Variants in TNRC6C observed in about 807,000 individuals in gnomAD.
TNRC6C encodes the protein trinucleotide repeat containing adaptor 6C.
A neutral mutation model predicts 153.7 loss-of-function variants in TNRC6C; 20 were observed. The observed-to-expected ratio is 0.13, with a 90% CI of 0.09 to 0.19. The LOEUF is 0.19. TNRC6C is among the 10% of genes least tolerant of loss of function. TNRC6C has a pLI of 1.00. For synonymous variants in TNRC6C, 811 were observed against 841.4 expected (o/e 0.96, Z 0.63); for missense variants, 1,987 against 2,172.0 (o/e 0.91, Z 1.69).
At chr17:78,024,644 C>G (rs1015495172) in intron 1 of TNRC6C, among the ~76,000 whole-genome samples, 1 of 151,962 alleles carries the variant, frequency 6.6e-6, no homozygotes, top group Admixed American at 6.6e-5. Flanking sequence ...GGATTACAGG[C>G]GTGAGCCACC....
At chr17:78,097,995 A>G (rs2073519306) in intron 16 of TNRC6C, 134 bp downstream of exon 19, 1 of 806,832 alleles carries the variant, frequency 1.2e-6, no homozygotes, top group Non-Finnish European at 1.9e-6. Flanking sequence ...GTGATGAAGG[A>G]TGGGTGGGGG....
chr17:78,004,009 C>CAGTG (rs2071455349), upstream of TNRC6C: 1 of 666,052 alleles, frequency 1.5e-6, no homozygotes, highest in African/African-American at 2.0e-5. Context: ...GGGCAACCTG[C>CAGTG]AGTGCTGTTA....
At chr17:78,076,502 A>C (rs1053291334) in intron 8 of TNRC6C, among the ~76,000 whole-genome samples, 1 of 152,158 alleles carries the variant, frequency 6.6e-6, no homozygotes, top group Non-Finnish European at 1.5e-5. Flanking sequence ...ATGTGAAATC[A>C]TACTGTTTAA....
At chr17:78,050,183 C>A (rs1232674850) in exon 3 of TNRC6C, 5 of 1,556,142 alleles carry the variant, frequency 3.2e-6, no homozygotes, top group Non-Finnish European at 4.3e-6. Flanking sequence ...CAGAACCCTA[C>A]CGTACAGCCT....
In TNRC6C at chr17:77,992,618, A is replaced by G. The variant is rs141885978; in HGVS notation, c.-37-11552A>G. ...TGCAAATTCCTTGAGTTTTCCCGTC[A>G]TGCTTTTTGGCTGTCAAGAGGCTGC... On this transcript the variant is annotated intron_variant, in intron 1 of 22. Coordinates refer to the TNRC6C transcript ENST00000636222. Among the ~76,000 whole-genome samples, 1,318 of 152,234 alleles carry G rather than the reference A, an allele frequency of 8.7e-3. 13 individuals are homozygous for G. The highest frequency in any genetic ancestry group is 0.038 in the South Asian group (184 of 4,830).
chr17:78,102,335 C>G, intron 17 of TNRC6C, 139 bp from the exon 21 acceptor site: 1 of 729,798 alleles, frequency 1.4e-6, no homozygotes, highest in Admixed American at 2.8e-5. Flanking sequence ...GCATGGGCCT[C>G]CCAGGCTGAG....
rs758823046 is a variant in TNRC6C at position 78,104,629 on chromosome 17, G to A, written c.4857G>A (p.Ala1619=). 1.4e-4 allele frequency: 221 copies of A among 1,548,308 alleles called. No individual in the cohort carries two copies. The highest frequency in any genetic ancestry group is 1.8e-4 in the Non-Finnish European group (211 of 1,147,036). ...CCAGCCAGCCGCGGCTCAGCGCAGCGGGCAGCTCCCATGGCCTGGTACGCA... is the reference window on the plus strand; with the variant it reads ...CCAGCCAGCCGCGGCTCAGCGCAGCAGGCAGCTCCCATGGCCTGGTACGCA... The change falls in exon 20 of 20, where the codon GCG becomes GCA. Residue 1619 remains alanine, a synonymous_variant. Coordinates refer to ENST00000301624, the Ensembl canonical transcript of TNRC6C. This position sits in a 1 kb window ranked among gnomAD's most constrained non-coding sequence, Gnocchi z 6.2.
At chr17:78,052,933 A>G (rs1023139507) in intron 3 of TNRC6C, among the ~76,000 whole-genome samples, 3 of 152,158 alleles carry the variant, frequency 2.0e-5, no homozygotes, top group Non-Finnish European at 4.4e-5. Flanking sequence ...TTTTCTGTGA[A>G]TTGGCATTTT....
chr17:78,083,001 T>C (rs1157545823), intron 10 of TNRC6C, 46 bp from the exon 13 acceptor site: 3 of 1,605,696 alleles, frequency 1.9e-6, no homozygotes, highest in African/African-American at 1.3e-5. Context: ...CAAGTAACTA[T>C]TTTAACAGAG....
chr17:78,055,210 G>A (rs1477117744), intron 3 of TNRC6C, among the ~76,000 whole-genome samples: 1 of 152,178 alleles, frequency 6.6e-6, no homozygotes, highest in Non-Finnish European at 1.5e-5. Context: ...CTTATTCTAT[G>A]AGCTTTTTTT....
chr17:78,097,801 C>T, intron 16 of TNRC6C: 1 of 1,551,194 alleles, frequency 6.4e-7, no homozygotes, highest in Non-Finnish European at 8.7e-7. Flanking sequence ...TGCCTGGCCA[C>T]TCAGTGCCTC....
intron 2 of TNRC6C, 32 bp downstream of exon 4, chr17:78,031,874 G>T: frequency 8.1e-7 from 1 of 1,231,904 alleles, no homozygotes; most frequent in South Asian, 4.1e-5. Flanking sequence ...ACATTGTTTT[G>T]ATCTGAAAAC....
chr17:77,980,853 G>A (rs1300072820), intron 1 of TNRC6C, among the ~76,000 whole-genome samples: 1 of 152,186 alleles, frequency 6.6e-6, no homozygotes, highest in African/African-American at 2.4e-5. Context: ...CCTAGAACAA[G>A]GTATGGGGGG....
At chr17:78,096,011 A>G (rs1431330896) in intron 16 of TNRC6C, among the ~76,000 whole-genome samples, 1 of 152,216 alleles carries the variant, frequency 6.6e-6, no homozygotes, top group Admixed American at 6.5e-5. Flanking sequence ...TGATTGGGCC[A>G]CTGCACTCCA....
chr17:78,086,735 G>T (rs2073298273), intron 12 of TNRC6C, 118 bp from the exon 15 acceptor site: 1 of 1,568,630 alleles, frequency 6.4e-7, no homozygotes, highest in South Asian at 1.2e-5. Context: ...TTTGGGAGGA[G>T]GTTGGCCTAG....
At chr17:78,093,087 T>G in exon 15 of TNRC6C, 4 of 1,613,446 alleles carry the variant, frequency 2.5e-6, no homozygotes, top group Non-Finnish European at 2.5e-6. Context: ...CTGACAGTGA[T>G]AAAATCTCAA....
chr17:78,083,111 C>T (rs780813723), exon 11 of TNRC6C: 10 of 1,613,880 alleles, frequency 6.2e-6, no homozygotes, highest in African/African-American at 1.3e-5. Context: ...CTATTAACCT[C>T]GCCAATTAAT....
intron 14 of TNRC6C, among the ~76,000 whole-genome samples, chr17:78,091,961 A>G (rs1024985307): frequency 6.6e-6 from 1 of 152,216 alleles, no homozygotes; most frequent in South Asian, 2.1e-4. Context: ...TAGAAAATCA[A>G]ATATACAGTA....
At chr17:78,042,737 G>C (rs1268218017) in intron 2 of TNRC6C, among the ~76,000 whole-genome samples, 2 of 151,958 alleles carry the variant, frequency 1.3e-5, no homozygotes, top group African/African-American at 4.8e-5. Context: ...AATGATGGTA[G>C]TGGTCATCAT....
Sources: allele counts gnomAD v4.1 joint callset (sites outside exome capture counted in the v4.1 genomes callset), GRCh38; gene constraint gnomAD v4.1.1; non-coding constraint Gnocchi (gnomAD v3.1); transcripts MANE v1.5; gene names NCBI Gene and HGNC (gene_info 2026-07-23, HGNC 2026-07-21).